Variants in SUV39H2 observed in about 807,000 individuals in gnomAD.
SUV39H2 encodes the protein histone-lysine N-methyltransferase SUV39H2.
Under a neutral mutation model 47.5 loss-of-function variants are expected in SUV39H2, and 10 were observed. The observed-to-expected ratio is 0.21, with a 90% CI of 0.13 to 0.36. The LOEUF (loss-of-function observed/expected upper bound fraction) is 0.36. Ranked by LOEUF, SUV39H2 falls within the 10% of genes least tolerant of loss-of-function variation. The probability of loss-of-function intolerance (pLI) is 1.00; values close to 1 mark genes in which losing one functional copy is unlikely to be tolerated. For missense variants in SUV39H2, 266 were observed against 487.4 expected (o/e 0.55, Z 4.28); for synonymous variants, 159 against 166.8 (o/e 0.95, Z 0.36).
At chr10:14,886,066 T>C (rs2131676538) in intron 2 of SUV39H2, among the ~76,000 whole-genome samples, 1 of 152,344 alleles carries the variant, frequency 6.6e-6, no homozygotes, top group Admixed American at 6.5e-5. Flanking sequence ...GAAATTGAAA[T>C]ATTTATAGAT....
intron 2 of SUV39H2, among the ~76,000 whole-genome samples, chr10:14,891,049 A>G (rs1443691385): frequency 6.6e-6 from 1 of 152,222 alleles, no homozygotes; most frequent in African/African-American, 2.4e-5. Context: ...CCTTCCCGCA[A>G]ATAACTTAGA....
Position 14,894,355 on chromosome 10 carries a change from GTTTTTTTTTTTTTTTTTT to G in SUV39H2, c.178-2478_178-2461del, listed in dbSNP as rs35812740. On this transcript the variant is annotated intron_variant, in intron 2 of 5. Transcript: ENST00000354919. ...TGACCAATTTTCAAAAGAAAGCAAAGTTTTTTTTTTTTTTTTTTTTTTTTTTTTTTGAGACGGAGTCTC... is the reference window on the plus strand; with the variant it reads ...TGACCAATTTTCAAAAGAAAGCAAAGTTTTTTTTTTTTGAGACGGAGTCTC... Among the ~76,000 whole-genome samples, 2 of 58,096 alleles carry G rather than the reference GTTTTTTTTTTTTTTTTTT, an allele frequency of 3.4e-5. 1 individual carries two copies. Among genetic ancestry groups the G allele is most frequent in the South Asian group, 1.5e-3 (2 of 1,322 alleles). 38.1% of individuals were successfully genotyped at this position (58,096 alleles called of 152,430 possible).
At chr10:14,896,303 G>A (rs1308140212) in intron 2 of SUV39H2, among the ~76,000 whole-genome samples, 1 of 152,160 alleles carries the variant, frequency 6.6e-6, no homozygotes, top group Admixed American at 6.5e-5. Context: ...CAAGTTTTCA[G>A]TAGCTGTATG....
At chr10:14,884,008 T>A (rs1833128665) in intron 2 of SUV39H2, among the ~76,000 whole-genome samples, 1 of 152,246 alleles carries the variant, frequency 6.6e-6, no homozygotes, top group South Asian at 2.1e-4. Flanking sequence ...AATATATCAA[T>A]ACTTCATTCC....
At chr10:14,900,129 G>A (rs1833896825) in intron 4 of SUV39H2, among the ~76,000 whole-genome samples, 1 of 152,074 alleles carries the variant, frequency 6.6e-6, no homozygotes, top group South Asian at 2.1e-4. Flanking sequence ...AAAATTTAAA[G>A]ATTTGTAGAG....
In SUV39H2 at chr10:14,892,999, ATTTTTTT is replaced by A. The variant is rs869161891; in HGVS notation, c.178-3830_178-3824del. Among the ~76,000 whole-genome samples, 4 of 79,910 alleles carry A rather than the reference ATTTTTTT, an allele frequency of 5.0e-5. No individual in the cohort carries two copies. The South Asian group carries it at 1.1e-3, about 23-fold the overall frequency. The allele number at this position is 79,910 out of a possible 152,430, so 52.4% of individuals were successfully genotyped here. A position where few individuals can be genotyped will look rare whatever the true frequency, so the allele number is the denominator to read the frequency against. On this transcript the variant is annotated intron_variant, in intron 2 of 5. Transcript: ENST00000354919. The stretch of plus-strand genomic sequence containing the variant: ...CCACCATGCCGAGCTAATTTTTTGT[ATTTTTTT>A]TTTTTTTTTTTTTTTTGAGACGGAG...
intron 2 of SUV39H2, among the ~76,000 whole-genome samples, chr10:14,884,619 C>T (rs1305920621): frequency 6.6e-6 from 1 of 152,152 alleles, no homozygotes; most frequent in Non-Finnish European, 1.5e-5. Context: ...TTCCACTTCC[C>T]ATTAGCTTTT....
chr10:14,901,288 T>C, intron 5 of SUV39H2, 26 bp downstream of exon 5: 1 of 1,612,830 alleles, frequency 6.2e-7, no homozygotes, highest in Non-Finnish European at 8.5e-7. Flanking sequence ...ACAGTTTCAT[T>C]GGTGTCAGTT....
intron 2 of SUV39H2, among the ~76,000 whole-genome samples, chr10:14,882,889 CAG>C (rs995794185): frequency 1.3e-5 from 2 of 150,248 alleles, no homozygotes; most frequent in African/African-American, 4.9e-5. Flanking sequence ...TTTAAAGGCC[CAG>C]AGTCTCGCTC....
At chr10:14,885,242 A>G (rs897643349) in intron 2 of SUV39H2, among the ~76,000 whole-genome samples, 1 of 152,172 alleles carries the variant, frequency 6.6e-6, no homozygotes, top group Non-Finnish European at 1.5e-5. Flanking sequence ...ACAGGTATCC[A>G]AGTTCACATT....
chr10:14,881,470 T>C (rs778666125), intron 1 of SUV39H2, 30 bp from the exon 2 acceptor site: 3 of 1,418,990 alleles, frequency 2.1e-6, no homozygotes, highest in South Asian at 1.7e-5. Context: ...AGCTATTTCA[T>C]TAGTAAAGAA....
chr10:14,902,379 C>T (rs1359302492), intron 5 of SUV39H2, 27 bp from the exon 6 acceptor site: 4 of 1,460,930 alleles, frequency 2.7e-6, no homozygotes, highest in Non-Finnish European at 3.8e-6. Flanking sequence ...CTCTCTTTCT[C>T]CTATATTTCT....
rs1012210249 is a variant in SUV39H2 at position 14,897,021 on chromosome 10, C to T, written c.353C>T (p.Thr118Ile). 6.2e-7 allele frequency: 1 copy of T among 1,613,916 alleles called. No individual in the cohort carries two copies. The highest frequency in any genetic ancestry group is 1.3e-5 in the African/African-American group (1 of 74,922). The change falls in exon 3 of 6, where the codon ACT (threonine) becomes ATT (isoleucine). Residue 118 changes from threonine (T) to isoleucine (I), a missense_variant. This residue lies in a region of SUV39H2 where 91 missense variants were observed against 110.9 expected (regional missense o/e 0.82). Transcript: ENST00000354919. ...ATAACTCCAAAAGACAATAACAAAA[C>T]TTTGAAACCTGCCATTGCTGAGTAC... ...KAITPKDNNK[T>I]LKPAIAEYIV...
chr10:14,901,521 G>C (rs145270072), intron 5 of SUV39H2, among the ~76,000 whole-genome samples: 2 of 151,704 alleles, frequency 1.3e-5, no homozygotes, highest in Non-Finnish European at 2.9e-5. Context: ...ATTTATTATA[G>C]CATCTTAATA....
rs779744463 is a variant in SUV39H2, at chr10:14,901,126, T to C, written c.997-7T>C. 2.5e-6 allele frequency: 4 copies of C among 1,613,536 alleles called. No individual in the cohort carries two copies. The highest frequency in any genetic ancestry group is 3.3e-5 in the Admixed American group (2 of 59,986). ...GTACTTAAATGGGTTCTAATGTTCC[T>C]TTTTAGTGTGACCCAAATCTTCAGG... On this transcript the variant is annotated splice_region_variant and splice_polypyrimidine_tract_variant and intron_variant, in intron 4 of 5. Transcript: ENST00000354919.
rs1833040878 is a variant in SUV39H2, at chr10:14,881,589, A to G, written c.121A>G (p.Lys41Glu). Reference protein sequence around the residue: ...KLTCKSIGITKRNLNNYEVEY... With the variant: ...KLTCKSIGITERNLNNYEVEY... ...CACATGTAAATCGATTGGAATCACC[A>G]AAAGGAATCTAAACAATTATGAGGT... is the stretch of plus-strand genomic sequence containing the variant. The change falls in exon 2 of 6, where the codon AAA (lysine) becomes GAA (glutamate). Residue 41 changes from lysine (K) to glutamate (E), a missense_variant. Around this residue, in one of 4 missense-constraint regions of SUV39H2, gnomAD observed 32 missense variants for 77.2 expected, o/e 0.41. Coordinates refer to ENST00000354919, the MANE Select transcript of SUV39H2 (RefSeq NM_001193424.2). 1.2e-6 allele frequency: 2 copies of G among 1,604,506 alleles called. No homozygotes were observed. Among genetic ancestry groups the G allele is most frequent in the East Asian group, 4.5e-5 (2 of 44,354 alleles).
intron 2 of SUV39H2, among the ~76,000 whole-genome samples, chr10:14,886,223 T>C (rs377627646): frequency 1.3e-4 from 20 of 152,260 alleles, no homozygotes; most frequent in African/African-American, 4.6e-4. Context: ...CCTCATCCAT[T>C]TCCCTCTTCA....
At chr10:14,898,425 A>T in intron 3 of SUV39H2, 1 of 151,672 alleles carries the variant, frequency 6.6e-6, no homozygotes. Context: ...ACATATCTGG[A>T]GTTGTCAACT....
chr10:14,891,923 C>A (rs1021954671), intron 2 of SUV39H2, among the ~76,000 whole-genome samples: 8 of 152,174 alleles, frequency 5.3e-5, no homozygotes, highest in Non-Finnish European at 7.3e-5. Context: ...AGTAGGAATT[C>A]TCTAAACCCG....
Sources: gnomAD v4.1 joint callset for allele counts (sites outside exome capture counted in the v4.1 genomes callset) on GRCh38, gnomAD v4.1.1 for gene constraint, gnomAD v4.1.1 regional missense constraint, MANE v1.5 for transcripts, NCBI Gene and HGNC (gene_info 2026-07-23, HGNC 2026-07-21) for gene names.